The following TET3 variants were observed in gnomAD, a reference collection of about 807,000 sequenced individuals.
TET3 encodes the protein methylcytosine dioxygenase TET3.
TET3 carries 19 observed loss-of-function variants against 141.4 expected under a neutral mutation model. That is an observed-to-expected ratio of 0.13 (90% CI 0.09 to 0.20). The LOEUF is 0.20. Ranked by LOEUF, TET3 falls within the 10% of genes least tolerant of loss-of-function variation. TET3 has a pLI of 1.00. For synonymous variants in TET3, 1,043 were observed against 980.9 expected, an observed-to-expected ratio of 1.06 and a Z score of -1.18; for missense variants, 1,874 against 2,356.9, an observed-to-expected ratio of 0.80 and a Z score of 4.24.
rs1691266748 is a variant in TET3 at position 74,102,224 on chromosome 2, C to G, written c.*48C>G. The G allele has an allele frequency of 2.1e-6, 3 of 1,396,262 alleles. No homozygotes were observed. The highest frequency in any genetic ancestry group is 2.6e-5 in the East Asian group (1 of 38,084). 86.5% of individuals were successfully genotyped at this position (1,396,262 alleles called of 1,614,324 possible). On this transcript the variant is annotated 3_prime_UTR_variant, in exon 12 of 12. Transcript: ENST00000409262. Reference sequence around the variant, plus strand: ...CAGCGTCGGGCCTGGCCCGAGCTGTCTCTGTGGTGCTTTTGCCCTCATACC... The same window carrying G: ...CAGCGTCGGGCCTGGCCCGAGCTGTGTCTGTGGTGCTTTTGCCCTCATACC...
intron 4 of TET3, among the ~76,000 whole-genome samples, chr2:74,064,377 A>T (rs1343169873): frequency 6.6e-6 from 1 of 152,174 alleles, no homozygotes; most frequent in Non-Finnish European, 1.5e-5. Flanking sequence ...GTGTAGAAAC[A>T]TGGAAACTAA....
rs776625317 is a variant in TET3, at chr2:74,099,619, G to T, written c.3604+7G>T. 1.5e-5 allele frequency: 23 copies of T among 1,550,794 alleles called. No homozygotes were observed. The highest frequency in any genetic ancestry group is 2.7e-5 in the African/African-American group (2 of 73,286). ...GGCATTACGTCGGACCCAGGTGTGT[G>T]GGGGGAGGGTGCCCGCTTGGAGTCA... is the stretch of plus-strand genomic sequence containing the variant. On this transcript the variant is annotated splice_region_variant and intron_variant, in intron 11 of 11. Coordinates refer to ENST00000409262, the MANE Select transcript of TET3 (RefSeq NM_001287491.2).
intron 3 of TET3, among the ~76,000 whole-genome samples, chr2:74,034,371 T>C (rs780502578): frequency 1.5e-4 from 23 of 152,000 alleles, no homozygotes; most frequent in Non-Finnish European, 2.5e-4. Flanking sequence ...GCCAACATCA[T>C]TGAAATTACC....
chr2:74,004,868 T>C (rs1278364016), intron 3 of TET3, among the ~76,000 whole-genome samples: 1 of 152,132 alleles, frequency 6.6e-6, no homozygotes, highest in African/African-American at 2.4e-5. Context: ...TCATGTGCTG[T>C]TGGAGGGGTG....
In TET3 at chr2:74,105,685, T is replaced by A. The variant is rs556212501; in HGVS notation, c.*3509T>A. ...GAACAGTAGTTTGCAGAGCAAGGGATTTTTAAAGCGCTAAAGCAAGGAAAG... is the reference window on the plus strand; with the variant it reads ...GAACAGTAGTTTGCAGAGCAAGGGAATTTTAAAGCGCTAAAGCAAGGAAAG... On this transcript the variant is annotated 3_prime_UTR_variant, in exon 12 of 12. Coordinates refer to ENST00000409262, the MANE Select transcript of TET3 (RefSeq NM_001287491.2). 21 of 222,158 alleles carry A rather than the reference T, an allele frequency of 9.5e-5. 1 individual carries two copies. In the South Asian group the frequency reaches 7.0e-3, roughly 74 times the overall value. The allele number at this position is 222,158 out of a possible 1,614,324, so 13.8% of individuals were successfully genotyped here.
At chr2:74,069,934 C>CT (rs1362162321) in intron 4 of TET3, among the ~76,000 whole-genome samples, 4 of 152,130 alleles carry the variant, frequency 2.6e-5, no homozygotes, top group Non-Finnish European at 4.4e-5. Flanking sequence ...CTCCCATCCC[C>CT]TAGAAGTAAC....
intron 2 of TET3, among the ~76,000 whole-genome samples, chr2:74,002,197 T>A (rs1205349245): frequency 6.6e-6 from 1 of 152,166 alleles, no homozygotes; most frequent in African/African-American, 2.4e-5. Context: ...TTCACTTATT[T>A]TATCACCTCA....
intron 4 of TET3, among the ~76,000 whole-genome samples, chr2:74,068,158 A>T (rs1452897239): frequency 6.6e-6 from 1 of 152,124 alleles, no homozygotes; most frequent in African/African-American, 2.4e-5. Context: ...GCCTGGCTGC[A>T]CACTCCATGG....
At chr2:74,064,974 C>T (rs1293211426) in intron 4 of TET3, among the ~76,000 whole-genome samples, 1 of 152,214 alleles carries the variant, frequency 6.6e-6, no homozygotes, top group East Asian at 1.9e-4. Flanking sequence ...AGTGCCCCAA[C>T]CTCCATGTTG....
Position 74,087,339 on chromosome 2 carries a change from GGAATTGCT to G in TET3, c.2680-489_2680-482del, listed in dbSNP as rs1690219087. ...GTCCCTCGAGTGTATTCCTAGGCAT[GGAATTGCT>G]GGATCATATGGTAATCCTATGTTTA... On this transcript the variant is annotated intron_variant, in intron 6 of 11. Coordinates refer to ENST00000409262, the MANE Select transcript of TET3 (RefSeq NM_001287491.2). The surrounding 1 kb of genome is among the most constrained non-coding windows in gnomAD (Gnocchi z 4.3). Among the ~76,000 whole-genome samples, 5 of 152,130 alleles carry G rather than the reference GGAATTGCT, an allele frequency of 3.3e-5. No homozygotes were observed. Among genetic ancestry groups the G allele is most frequent in the Admixed American group, 3.3e-4 (5 of 15,270 alleles).
At chr2:74,094,520 G>A (rs992982735) in intron 10 of TET3, among the ~76,000 whole-genome samples, 3 of 152,152 alleles carry the variant, frequency 2.0e-5, no homozygotes, top group Admixed American at 6.5e-5. Context: ...AAAGTTAGAC[G>A]CACTCCTGCT....
chr2:73,987,133 C>G (rs1684073237), intron 2 of TET3, among the ~76,000 whole-genome samples: 1 of 152,120 alleles, frequency 6.6e-6, no homozygotes, highest in Non-Finnish European at 1.5e-5. Flanking sequence ...TTTTATGATG[C>G]CCTGATGGAG....
chr2:74,065,132 TTATG>T (rs1688811856), intron 4 of TET3, among the ~76,000 whole-genome samples: 1 of 152,312 alleles, frequency 6.6e-6, no homozygotes, highest in Non-Finnish European at 1.5e-5. Context: ...GTGAAAGTGA[TTATG>T]TATAGTATTG....
rs1011763512 is a variant in TET3 at position 74,088,033 on chromosome 2, C to T, written c.2883C>T (p.Asn961=). ...GNPTSRRCGL[N]DDRTCACQGK... is the part of the protein sequence containing the mutation. ...CCACCAGCCGGAGATGCGGCCTCAA[C>T]GATGAGTATGTAGCAGAGGGCTTCA... The change falls in exon 7 of 12, where the codon AAC becomes AAT. Residue 961 remains asparagine (N), a synonymous_variant. Transcript: ENST00000409262. 12 of 1,557,910 alleles carry T rather than the reference C, an allele frequency of 7.7e-6. No homozygotes were observed. The highest frequency in any genetic ancestry group is 1.2e-5 in the South Asian group (1 of 84,322).
intron 2 of TET3, chr2:73,993,601 A>G (rs1223063469): frequency 6.6e-6 from 1 of 151,992 alleles, no homozygotes; most frequent in Non-Finnish European, 1.5e-5. Context: ...GACCCAACCC[A>G]TTTCCTGACC....
At chr2:74,100,269 G>A (rs1464044143) in intron 11 of TET3, 124 bp from the exon 12 acceptor site, 3 of 1,073,170 alleles carry the variant, frequency 2.8e-6, no homozygotes, top group East Asian at 2.6e-5. Context: ...CACCTCACCT[G>A]CCTGTCCCAA....
intron 5 of TET3, among the ~76,000 whole-genome samples, chr2:74,079,671 G>GA (rs1689697914): frequency 6.6e-6 from 1 of 152,166 alleles, no homozygotes; most frequent in African/African-American, 2.4e-5. Context: ...TTACAGATGA[G>GA]AAAACTGAGG....
chr2:74,069,797 A>G (rs1689108318), intron 4 of TET3, among the ~76,000 whole-genome samples: 1 of 151,988 alleles, frequency 6.6e-6, no homozygotes. Flanking sequence ...ACAGGGTCTC[A>G]CTATGTTGCC....
chr2:74,128,992 T>TAAAAA, the TET3 span, among the ~76,000 whole-genome samples: 236 of 77,886 alleles, frequency 3.0e-3, 4 homozygotes, highest in African/African-American at 0.012. Context: ...TGTCTCAATT[T>TAAAAA]AAAAAAAAAA....
Sources: allele counts gnomAD v4.1 joint callset (sites outside exome capture counted in the v4.1 genomes callset), GRCh38; gene constraint gnomAD v4.1.1; non-coding constraint Gnocchi (gnomAD v3.1); transcripts MANE v1.5; gene names NCBI Gene and HGNC (gene_info 2026-07-23, HGNC 2026-07-21).